Variants in TCF20 observed in about 807,000 individuals in gnomAD.
TCF20 encodes SPRE-binding protein.
Under a neutral mutation model 148.6 loss-of-function variants are expected in TCF20, and 3 were observed. The ratio of observed to expected loss-of-function variants is 0.02; its 90% CI spans 0.01 to 0.05. TCF20 has a LOEUF of 0.05. Ranked by LOEUF, TCF20 falls within the 10% of genes least tolerant of loss-of-function variation. The pLI is 1.00. For synonymous variants in TCF20, 1,049 were observed against 909.5 expected, an observed-to-expected ratio of 1.15 and a Z score of -2.76; for missense variants, 2,350 against 2,429.3, an observed-to-expected ratio of 0.97 and a Z score of 0.69.
At chr22:42,219,225 T>C (rs1341367313) in intron 1 of TCF20, among the ~76,000 whole-genome samples, 2 of 150,852 alleles carry the variant, frequency 1.3e-5, no homozygotes, top group African/African-American at 4.9e-5. Context: ...CACAGTGTCA[T>C]GAGGTGTGCC....
intron 3 of TCF20, among the ~76,000 whole-genome samples, chr22:42,171,163 A>C (rs1936112776): frequency 1.3e-5 from 2 of 152,210 alleles, no homozygotes; most frequent in Admixed American, 1.3e-4. Context: ...GGGCAAGGAA[A>C]TCTAATTAAT....
At chr22:42,333,053 A>G (rs1480784766) in intron 1 of TCF20, among the ~76,000 whole-genome samples, 2 of 152,260 alleles carry the variant, frequency 1.3e-5, no homozygotes, top group Non-Finnish European at 2.9e-5. Flanking sequence ...GTATTAAGTT[A>G]TACCTCCAAG....
intron 2 of TCF20, 37 bp from the exon 3 acceptor site, chr22:42,179,739 C>T: frequency 6.8e-7 from 1 of 1,470,968 alleles, no homozygotes; most frequent in East Asian, 2.3e-5. Context: ...GTCAGTATCC[C>T]AGATTTGGCC....
chr22:42,303,646 C>T (rs1276306171), intron 1 of TCF20, among the ~76,000 whole-genome samples: 2 of 152,236 alleles, frequency 1.3e-5, no homozygotes, highest in African/African-American at 4.8e-5. Flanking sequence ...GGTGAAGGAG[C>T]CACACTCCCA....
intron 1 of TCF20, among the ~76,000 whole-genome samples, chr22:42,230,355 T>C (rs1174616535): frequency 6.6e-6 from 1 of 152,228 alleles, no homozygotes; most frequent in Non-Finnish European, 1.5e-5. Flanking sequence ...CCTAATATAC[T>C]GCCAGTGGTA....
intron 5 of TCF20, 62 bp from the exon 6 acceptor site, chr22:42,161,420 C>T (rs771212631): frequency 3.2e-5 from 51 of 1,611,992 alleles, no homozygotes; most frequent in South Asian, 2.2e-4. Context: ...CACCAACAGC[C>T]GCTGTTCCGT....
chr22:42,302,960 C>T (rs4822105), intron 1 of TCF20, among the ~76,000 whole-genome samples: 89,566 of 151,938 alleles, frequency 0.59, 26,634 homozygotes, highest in South Asian at 0.72. Context: ...GACAGAGCCT[C>T]GCTCTGTTGC....
At chr22:42,232,107 ACTTC>A (rs1923471004) in intron 1 of TCF20, among the ~76,000 whole-genome samples, 1 of 152,004 alleles carries the variant, frequency 6.6e-6, no homozygotes, top group South Asian at 2.1e-4. Context: ...ACCCAGAACA[ACTTC>A]CTTATCTTTT....
At chr22:42,263,589 T>C (rs75329338) in intron 1 of TCF20, among the ~76,000 whole-genome samples, 209 of 152,302 alleles carry the variant, frequency 1.4e-3, no homozygotes, top group African/African-American at 4.9e-3. Context: ...AATCTGATCA[T>C]GGCCAAGGAA....
At chr22:42,242,828 A>T (rs1457751355) in intron 1 of TCF20, among the ~76,000 whole-genome samples, 2 of 152,164 alleles carry the variant, frequency 1.3e-5, no homozygotes, top group Admixed American at 6.5e-5. Context: ...CAGAGGTTGC[A>T]GTGAGTGGAG....
chr22:42,181,506 G>T (rs1936770894), intron 2 of TCF20, among the ~76,000 whole-genome samples: 1 of 152,010 alleles, frequency 6.6e-6, no homozygotes, highest in African/African-American at 2.4e-5. Context: ...ACAGTGAGTG[G>T]TGGCCATTTA....
intron 5 of TCF20, among the ~76,000 whole-genome samples, chr22:42,164,407 G>A (rs1376004111): frequency 6.6e-6 from 1 of 151,992 alleles, no homozygotes; most frequent in Non-Finnish European, 1.5e-5. Flanking sequence ...GTATTTTAGT[G>A]TTTTAATTTT....
chr22:42,241,245 A>G (rs1411087974), intron 1 of TCF20, among the ~76,000 whole-genome samples: 1 of 152,196 alleles, frequency 6.6e-6, no homozygotes, highest in Non-Finnish European at 1.5e-5. Flanking sequence ...AATTATTTCT[A>G]TAAACAATTT....
intron 1 of TCF20, among the ~76,000 whole-genome samples, chr22:42,220,788 G>A (rs1283497493): frequency 6.6e-6 from 1 of 152,134 alleles, no homozygotes; most frequent in Non-Finnish European, 1.5e-5. Flanking sequence ...CGAGGTTACT[G>A]AGGCTGGCTG....
chr22:42,313,797 G>A (rs913754737), intron 1 of TCF20, among the ~76,000 whole-genome samples: 2 of 151,894 alleles, frequency 1.3e-5, no homozygotes, highest in Admixed American at 1.3e-4. Flanking sequence ...ACAGGGTTTC[G>A]CCAAGCTGGC....
Position 42,270,556 on chromosome 22 carries a change from C to T in TCF20, c.-254G>A, listed in dbSNP as rs947568356. Among the ~76,000 whole-genome samples, 1 of 144,538 alleles carries T rather than the reference C, an allele frequency of 6.9e-6. No individual in the cohort carries two copies. The highest frequency in any genetic ancestry group is 2.5e-5 in the African/African-American group (1 of 40,398). The allele number at this position is 144,538 out of a possible 152,430, so 94.8% of individuals were successfully genotyped here. A position where few individuals can be genotyped will look rare whatever the true frequency, so the allele number is the denominator to read the frequency against. On this transcript the variant is annotated 5_prime_UTR_variant, in exon 1 of 6. Transcript: ENST00000677622. Reference sequence around the variant, plus strand: ...CTCCCCGGTCAGGCGCGCCTCAGGGCGGGCTCCCCTGGCGGAGGCCGCGGC... The same window carrying T: ...CTCCCCGGTCAGGCGCGCCTCAGGGTGGGCTCCCCTGGCGGAGGCCGCGGC...
At chr22:42,267,669 C>G (rs930115585) in intron 1 of TCF20, among the ~76,000 whole-genome samples, 10 of 152,162 alleles carry the variant, frequency 6.6e-5, no homozygotes, top group African/African-American at 2.4e-4. Flanking sequence ...CCACTGCACT[C>G]CAGCCTGGCA....
In TCF20 at chr22:42,290,120, G is replaced by C. The variant is rs1927107488; in HGVS notation, c.-37+53359C>G. ...TGCTTGGGGAGCGGGGGTCAGCCAG[G>C]GGGACAAGGGCCAGCAGGAGGCAGG... is the stretch of plus-strand genomic sequence containing the variant. On this transcript the variant is annotated intron_variant, in intron 1 of 1. Coordinates refer to the TCF20 transcript ENST00000515426. The surrounding 1 kb of genome is among the most constrained non-coding windows in gnomAD (Gnocchi z 4.2). Among the ~76,000 whole-genome samples, 1 of 152,152 alleles carries C rather than the reference G, an allele frequency of 6.6e-6. No individual in the cohort carries two copies. The highest frequency in any genetic ancestry group is 2.1e-4 in the South Asian group (1 of 4,832).
chr22:42,295,946 T>C (rs1012000377), intron 1 of TCF20, among the ~76,000 whole-genome samples: 1 of 152,192 alleles, frequency 6.6e-6, no homozygotes, highest in Non-Finnish European at 1.5e-5. Flanking sequence ...CAGGCTGCCC[T>C]CCACAAGACC....
Sources: gnomAD v4.1 joint callset for allele counts (sites outside exome capture counted in the v4.1 genomes callset) on GRCh38, gnomAD v4.1.1 for gene constraint, Gnocchi (gnomAD v3.1) non-coding constraint, MANE v1.5 for transcripts, NCBI Gene and HGNC (gene_info 2026-07-23, HGNC 2026-07-21) for gene names.